Variants in SLC39A13 observed in about 807,000 individuals in gnomAD.
SLC39A13 encodes zinc transporter ZIP13.
Under a neutral mutation model 38.7 loss-of-function variants are expected in SLC39A13, and 18 were observed. The observed-to-expected ratio is 0.47, with a 90% CI of 0.32 to 0.69. The LOEUF (loss-of-function observed/expected upper bound fraction) is 0.69, where lower values mean the gene tolerates loss of function less well. Ranked by LOEUF, SLC39A13 falls within the 30% of genes least tolerant of loss-of-function variation. The pLI is 0.03. For missense variants in SLC39A13, 395 were observed against 490.7 expected (o/e 0.80, Z 1.84); for synonymous variants, 212 against 219.1 (o/e 0.97, Z 0.29).
At chr11:47,411,724 G>A (rs1340140199) in intron 2 of SLC39A13, among the ~76,000 whole-genome samples, 1 of 152,280 alleles carries the variant, frequency 6.6e-6, no homozygotes, top group Non-Finnish European at 1.5e-5. Flanking sequence ...GGACCTGTCA[G>A]CTCTTCACCA....
At chr11:47,414,961 G>T in intron 8 of SLC39A13, 52 bp downstream of exon 8, 1 of 1,605,256 alleles carries the variant, frequency 6.2e-7, no homozygotes, top group Non-Finnish European at 8.5e-7. Flanking sequence ...AGGGGCACCA[G>T]CCAAAGGGTG....
At chr11:47,409,976 C>T in intron 1 of SLC39A13, 111 bp from the exon 2 acceptor site, 3 of 1,303,404 alleles carry the variant, frequency 2.3e-6, no homozygotes, top group South Asian at 2.5e-5. Flanking sequence ...GCAAGGACAG[C>T]AGGAGGGTGG....
chr11:47,409,660 C>T (rs367637276), intron 1 of SLC39A13: 39 of 210,054 alleles, frequency 1.9e-4, no homozygotes, highest in African/African-American at 8.4e-4. Flanking sequence ...CTCAGTTTCC[C>T]CACGTATGTC....
At chr11:47,414,737 C>T in intron 7 of SLC39A13, 40 bp from the exon 8 acceptor site, 1 of 1,601,586 alleles carries the variant, frequency 6.2e-7, no homozygotes, top group Admixed American at 1.7e-5. Flanking sequence ...GGCATCAGGC[C>T]CCGCTGGGGC....
rs1279110716 is a variant in SLC39A13, at chr11:47,416,396, TCGAGAG to T, written c.*1034_*1039del. On this transcript the variant is annotated 3_prime_UTR_variant, in exon 10 of 10. Transcript: ENST00000362021. The stretch of plus-strand genomic sequence containing the variant: ...CCGTGGATGTTTTCAGAAGTGGCCA[TCGAGAG>T]GTCTGGATGGTTTTATAGCAACTTT... The T allele has an allele frequency of 1.2e-4, 18 of 152,664 alleles. No individual in the cohort carries two copies. The highest frequency in any genetic ancestry group is 3.9e-4 in the Admixed American group (6 of 15,310). 9.5% of individuals were successfully genotyped at this position (152,664 alleles called of 1,614,324 possible). A position where few individuals can be genotyped will look rare whatever the true frequency, so the allele number is the denominator to read the frequency against.
chr11:47,414,234 C>A, intron 6 of SLC39A13, 191 bp from the exon 7 acceptor site: 1 of 660,590 alleles, frequency 1.5e-6, no homozygotes, highest in Non-Finnish European at 2.7e-6. Context: ...AGTCCTGTCT[C>A]TCCCCTCTAT....
upstream of SLC39A13, among the ~76,000 whole-genome samples, chr11:47,408,196 G>C (rs1232010587): frequency 6.6e-6 from 1 of 152,216 alleles, no homozygotes; most frequent in Non-Finnish European, 1.5e-5. Flanking sequence ...CCTGGGCGGC[G>C]TGGTCTGGCG....
chr11:47,412,458 G>T lies in SLC39A13; in HGVS notation c.528G>T (p.Gly176=). ...TGTTCCTGGACAGCAAGGAGGAGGG[G>T]ACCAGCCAGGTGGGCCCCACACTCA... ...EKMFLDSKEE[G]TSQAPNKDPT... Residue 176 remains glycine, a synonymous_variant, in exon 4 of 10, where the codon GGG becomes GGT. Transcript: ENST00000362021. 3.1e-6 allele frequency: 5 copies of T among 1,614,132 alleles called. No homozygotes were observed. Among genetic ancestry groups the T allele is most frequent in the Non-Finnish European group, 4.2e-6 (5 of 1,179,992 alleles).
At position 47,415,454 on chromosome 11, in the gene SLC39A13, G is replaced by C. The variant is rs376491879; in HGVS notation, c.*91G>C. The C allele has an allele frequency of 9.3e-5, 134 of 1,440,884 alleles. No individual in the cohort carries two copies. In the East Asian group the frequency reaches 2.7e-3, roughly 29 times the overall value. 89.3% of individuals were successfully genotyped at this position (1,440,884 alleles called of 1,614,324 possible). Reference sequence around the variant, plus strand: ...CATATGTGAGAGGCAGAGAGGGCGAGTGGCTGCGAGAGAGAATGAGCCTCC... The same window carrying C: ...CATATGTGAGAGGCAGAGAGGGCGACTGGCTGCGAGAGAGAATGAGCCTCC... On this transcript the variant is annotated 3_prime_UTR_variant, in exon 10 of 10. Transcript: ENST00000362021.
At position 47,415,521 on chromosome 11, in the gene SLC39A13, C is replaced by T. The variant is rs2096023273; in HGVS notation, c.*158C>T. ...GGTGCGTGTGGATGTATGTGGTGTG[C>T]ACATGTGGCCAGAGGTGTGTGCGCG... On this transcript the variant is annotated 3_prime_UTR_variant, in exon 10 of 10. Coordinates refer to ENST00000362021, the MANE Select transcript of SLC39A13 (RefSeq NM_001128225.3). 2 of 821,138 alleles carry T rather than the reference C, an allele frequency of 2.4e-6. No homozygotes were observed. Among genetic ancestry groups the T allele is most frequent in the Admixed American group, 2.0e-5 (1 of 50,150 alleles). The allele number at this position is 821,138 out of a possible 1,614,324, so 50.9% of individuals were successfully genotyped here. A position where few individuals can be genotyped will look rare whatever the true frequency, so the allele number is the denominator to read the frequency against.
rs2096015869 is a variant in SLC39A13, at chr11:47,414,509, G to A, written c.786+34G>A. The A allele has an allele frequency of 1.9e-6, 3 of 1,606,540 alleles. No homozygotes were observed. The South Asian group carries it at 3.3e-5, about 18-fold the overall frequency. ...TTGTAGGGCAGCCCCCAGGGGCCCA[G>A]GCCCCCACAGTGCCCATGATCAGCA... On this transcript the variant is annotated intron_variant, in intron 7 of 9. Transcript: ENST00000362021.
chr11:47,411,900 C>G (rs537223679), intron 2 of SLC39A13, 26 bp from the exon 3 acceptor site: 1 of 1,604,572 alleles, frequency 6.2e-7, no homozygotes, highest in Non-Finnish European at 8.5e-7. Flanking sequence ...CAGTCAGCCC[C>G]CAGACCCCGC....
chr11:47,412,475 C>A lies in SLC39A13; in HGVS notation c.537+8C>A, dbSNP rs766588222. On this transcript the variant is annotated splice_region_variant and intron_variant, in intron 4 of 9. Transcript: ENST00000362021. ...GAGGAGGGGACCAGCCAGGTGGGCCCCACACTCAAGGGCCTGGATATATCA... is the reference window on the plus strand; with the variant it reads ...GAGGAGGGGACCAGCCAGGTGGGCCACACACTCAAGGGCCTGGATATATCA... 3.0e-5 allele frequency: 49 copies of A among 1,613,976 alleles called. No homozygotes were observed. Among genetic ancestry groups the A allele is most frequent in the Admixed American group, 5.0e-5 (3 of 60,016 alleles).
intron 1 of SLC39A13, chr11:47,408,885 ACTCT>A (rs1362107258): frequency 1.4e-5 from 2 of 148,026 alleles, no homozygotes; most frequent in Non-Finnish European, 3.0e-5. Context: ...TAGCTCTCTC[ACTCT>A]CTACTTTCCT....
chr11:47,414,711 G>A (rs2096017029), intron 7 of SLC39A13, 66 bp from the exon 8 acceptor site: 11 of 1,596,226 alleles, frequency 6.9e-6, no homozygotes, highest in African/African-American at 4.0e-5. Context: ...TGTGTATATC[G>A]TACCTGAGCA....
chr11:47,415,887 G>T lies in SLC39A13; in HGVS notation c.*524G>T. The T allele has an allele frequency of 4.5e-6, 1 of 224,628 alleles. No individual in the cohort carries two copies. The highest frequency in any genetic ancestry group is 9.0e-6 in the Non-Finnish European group (1 of 111,068). 13.9% of individuals were successfully genotyped at this position (224,628 alleles called of 1,614,324 possible). ...CCACTTCTAAGCCAAAGAAAGGAGA[G>T]GCAGGTGCTCCTGTACCCCAGCCCC... is the stretch of plus-strand genomic sequence containing the variant. On this transcript the variant is annotated 3_prime_UTR_variant, in exon 10 of 10. Coordinates refer to ENST00000362021, the MANE Select transcript of SLC39A13 (RefSeq NM_001128225.3).
chr11:47,413,483 C>T lies in SLC39A13; in HGVS notation c.621C>T (p.Leu207=), dbSNP rs775396957. ...CLAQPAAEPG[L]GAVVRSIKVS... ...CCCAGCCGGCTGCAGAGCCCGGCCTCGGTGCCGTGGTCCGGAGCATCAAAG... is the reference window on the plus strand; with the variant it reads ...CCCAGCCGGCTGCAGAGCCCGGCCTTGGTGCCGTGGTCCGGAGCATCAAAG... The change falls in exon 5 of 10, where the codon CTC becomes CTT. Residue 207 remains leucine, a synonymous_variant. Transcript: ENST00000362021. The T allele has an allele frequency of 5.5e-5, 89 of 1,613,946 alleles. No individual in the cohort carries two copies. Among genetic ancestry groups the T allele is most frequent in the Non-Finnish European group, 7.0e-5 (83 of 1,180,010 alleles).
At chr11:47,412,510 C>G in intron 4 of SLC39A13, 43 bp downstream of exon 4, 1 of 1,613,292 alleles carries the variant, frequency 6.2e-7, no homozygotes, top group Non-Finnish European at 8.5e-7. Flanking sequence ...AGCCTCTGTT[C>G]TGTGGTAGTG....
At chr11:47,408,537 C>CGCCGGGGGCGGCCCCGG (rs1565657539), upstream of SLC39A13, 4 of 147,320 alleles carry the variant, frequency 2.7e-5, no homozygotes, top group East Asian at 1.9e-4. Context: ...CGTGGCCGCG[C>CGCCGGGGGCGGCCCCGG]GCCGGGGGCG....
Sources: allele counts gnomAD v4.1 joint callset (sites outside exome capture counted in the v4.1 genomes callset), GRCh38; gene constraint gnomAD v4.1.1; transcripts MANE v1.5; gene names NCBI Gene and HGNC (gene_info 2026-07-23, HGNC 2026-07-21).